AVEN: variants seen among roughly 807,000 people sequenced by gnomAD.
The protein encoded by AVEN is cell death regulator Aven.
AVEN carries 41 observed loss-of-function variants against 38.1 expected under a neutral mutation model. The observed-to-expected ratio is 1.08, with a 90% CI of 0.84 to 1.40. The LOEUF (loss-of-function observed/expected upper bound fraction) is 1.40, where lower values mean the gene tolerates loss of function less well. AVEN is among the 40% of genes most tolerant of loss of function. The pLI is 0.00. For synonymous variants in AVEN, 206 were observed against 171.8 expected (o/e 1.20, Z -1.56); for missense variants, 605 against 438.8 (o/e 1.38, Z -3.38).
At chr15:33,928,711 C>A (rs1342807652) in intron 2 of AVEN, among the ~76,000 whole-genome samples, 1 of 152,184 alleles carries the variant, frequency 6.6e-6, no homozygotes, top group Non-Finnish European at 1.5e-5. Flanking sequence ...CTCAGCCATC[C>A]TTCCCAGAGG....
At chr15:33,979,930 G>A (rs558024722) in intron 2 of AVEN, among the ~76,000 whole-genome samples, 12 of 152,288 alleles carry the variant, frequency 7.9e-5, no homozygotes, top group African/African-American at 2.9e-4. Context: ...CCATTCAGGT[G>A]AACACTAACT....
intron 2 of AVEN, among the ~76,000 whole-genome samples, chr15:33,928,797 A>T (rs1893729323): frequency 6.6e-6 from 1 of 152,198 alleles, no homozygotes; most frequent in Non-Finnish European, 1.5e-5. Flanking sequence ...TTAATGCAGT[A>T]GCCCTGGGTC....
At chr15:33,905,146 A>AC (rs1425719710) in intron 2 of AVEN, among the ~76,000 whole-genome samples, 2 of 151,504 alleles carry the variant, frequency 1.3e-5, no homozygotes, top group African/African-American at 4.9e-5. Context: ...AAAAAAAAAA[A>AC]AAAAAAAACT....
chr15:33,958,396 A>G (rs534167047), intron 2 of AVEN, among the ~76,000 whole-genome samples: 5 of 152,220 alleles, frequency 3.3e-5, no homozygotes, highest in African/African-American at 1.2e-4. Flanking sequence ...CCTGGCCAAC[A>G]TGGCGAAACC....
chr15:33,991,994 A>C (rs2140572395), intron 2 of AVEN: 1 of 152,484 alleles, frequency 6.6e-6, no homozygotes, highest in East Asian at 1.9e-4. Context: ...TGGACCAGCA[A>C]AAACAAAGAA....
intron 2 of AVEN, among the ~76,000 whole-genome samples, chr15:33,935,725 G>A (rs1412358988): frequency 6.6e-6 from 1 of 152,094 alleles, no homozygotes; most frequent in African/African-American, 2.4e-5. Flanking sequence ...TAGAGATTGA[G>A]GCAGCCTATC....
chr15:33,877,038 G>C (rs1891262162), intron 2 of AVEN, among the ~76,000 whole-genome samples: 1 of 152,114 alleles, frequency 6.6e-6, no homozygotes, highest in Non-Finnish European at 1.5e-5. Flanking sequence ...AGAAATAAGT[G>C]GTTGTTCTCA....
chr15:33,894,355 A>G (rs1263358172), intron 2 of AVEN, among the ~76,000 whole-genome samples: 1 of 152,046 alleles, frequency 6.6e-6, no homozygotes, highest in Non-Finnish European at 1.5e-5. Context: ...TGGATACTGC[A>G]GCTACATAAC....
intron 2 of AVEN, among the ~76,000 whole-genome samples, chr15:33,931,121 C>A (rs1185746818): frequency 6.6e-6 from 1 of 151,954 alleles, no homozygotes; most frequent in Non-Finnish European, 1.5e-5. Context: ...TGACTACCAA[C>A]GATGGATACG....
chr15:33,853,064 T>C, the AVEN span: 1 of 1,604,734 alleles, frequency 6.2e-7, no homozygotes, highest in Non-Finnish European at 8.5e-7. Context: ...TAATAACTAC[T>C]GGGACAAGTT....
rs749924788 is a variant in AVEN, at chr15:34,063,397, T to C, written n.1162A>G. The C allele has an allele frequency of 2.5e-6, 4 of 1,613,952 alleles. No individual in the cohort carries two copies. The South Asian group carries it at 4.4e-5, about 18-fold the overall frequency. ...GAAACAGAGAAGCGAACCAAGGACC[T>C]GGCTGACCTCCAGGGTTCTGACTCT... On this transcript the variant is annotated non_coding_transcript_exon_variant, in exon 5 of 12. Transcript: ENST00000675287. This position sits in a 1 kb window ranked among gnomAD's most constrained non-coding sequence, Gnocchi z 4.1.
chr15:33,936,212 A>C (rs1242329698), intron 2 of AVEN, among the ~76,000 whole-genome samples: 1 of 152,182 alleles, frequency 6.6e-6, no homozygotes, highest in Non-Finnish European at 1.5e-5. Context: ...GAAAAAGATC[A>C]GTAGTAGAAA....
At chr15:33,888,456 G>A (rs910592403) in intron 2 of AVEN, among the ~76,000 whole-genome samples, 1 of 152,126 alleles carries the variant, frequency 6.6e-6, no homozygotes, top group Non-Finnish European at 1.5e-5. Context: ...TAAAAGAAGG[G>A]CCAAAATCAG....
rs537383149 is a variant in AVEN at position 33,901,223 on chromosome 15, C to T, written c.446-25228G>A. The stretch of plus-strand genomic sequence containing the variant: ...CGGAGCTTGCAGTGAGCGGAGATCG[C>T]ACCACTGCACTCCAGCCTGGGCGAC... On this transcript the variant is annotated intron_variant, in intron 2 of 5. Coordinates refer to ENST00000306730, the MANE Select transcript of AVEN (RefSeq NM_020371.3). Among the ~76,000 whole-genome samples the T allele has an allele frequency of 2.0e-5, 3 of 152,222 alleles. No individual in the cohort carries two copies. In the South Asian group the frequency reaches 6.2e-4, roughly 32 times the overall value.
rs765353935 is a variant in AVEN, at chr15:33,867,867, G to T, written c.613-12C>A. ...AAAGGAACTGTACCCTGAAAGAGAA[G>T]TATAAAAACTGAGTTAAAAATGTGA... is the stretch of plus-strand genomic sequence containing the variant. On this transcript the variant is annotated splice_polypyrimidine_tract_variant and intron_variant, in intron 4 of 5. Coordinates refer to ENST00000306730, the MANE Select transcript of AVEN (RefSeq NM_020371.3). 6.5e-7 allele frequency: 1 copy of T among 1,544,984 alleles called. No individual in the cohort carries two copies. The highest frequency in any genetic ancestry group is 8.7e-7 in the Non-Finnish European group (1 of 1,150,824).
At chr15:33,980,130 T>C (rs1896069764) in intron 2 of AVEN, among the ~76,000 whole-genome samples, 1 of 152,164 alleles carries the variant, frequency 6.6e-6, no homozygotes, top group African/African-American at 2.4e-5. Context: ...TCAGAGCAAC[T>C]AGGCACAGAA....
chr15:34,062,620 TA>T, intron 5 of AVEN: 1 of 1,047,466 alleles, frequency 9.5e-7, no homozygotes, highest in Non-Finnish European at 1.4e-6. Flanking sequence ...TGTGCGAAGC[TA>T]ATGTGTTTCC....
the AVEN span, chr15:33,852,885 C>A: frequency 1.6e-6 from 1 of 643,774 alleles, no homozygotes. Flanking sequence ...TCAGTAGAGC[C>A]TGTGATGACT....
At chr15:33,857,183 AAAC>A (rs377276821), downstream of AVEN, among the ~76,000 whole-genome samples, 63 of 152,216 alleles carry the variant, frequency 4.1e-4, no homozygotes, top group African/African-American at 1.3e-3. Context: ...CTATTTTGTT[AAAC>A]AACAGAAATG....
Sources: gnomAD v4.1 joint callset for allele counts (sites outside exome capture counted in the v4.1 genomes callset) on GRCh38, gnomAD v4.1.1 for gene constraint, Gnocchi (gnomAD v3.1) non-coding constraint, MANE v1.5 for transcripts, NCBI Gene and HGNC (gene_info 2026-07-23, HGNC 2026-07-21) for gene names.